FILIP1L: variants seen among roughly 807,000 people sequenced by gnomAD.
The protein encoded by FILIP1L is filamin A interacting protein 1 like.
FILIP1L carries 55 observed loss-of-function variants against 96.6 expected under a neutral mutation model. The ratio of observed to expected loss-of-function variants is 0.57; its 90% CI spans 0.46 to 0.71. The LOEUF (loss-of-function observed/expected upper bound fraction) is 0.71, where lower values mean the gene tolerates loss of function less well. Among genes scored for constraint, FILIP1L ranks in the 30% least tolerant of loss-of-function variants. The probability of loss-of-function intolerance (pLI) is 0.00; values close to 1 mark genes in which losing one functional copy is unlikely to be tolerated. For synonymous variants in FILIP1L, 467 were observed against 473.9 expected, an observed-to-expected ratio of 0.99 and a Z score of 0.19; for missense variants, 1,304 against 1,321.2, an observed-to-expected ratio of 0.99 and a Z score of 0.20.
chr3:99,955,773 G>T (rs1223661349), intron 1 of FILIP1L, among the ~76,000 whole-genome samples: 2 of 151,984 alleles, frequency 1.3e-5, no homozygotes, highest in Non-Finnish European at 2.9e-5. Flanking sequence ...TTCCACATTA[G>T]TGTATCCTGG....
At chr3:100,064,074 C>T (rs1308816563) in intron 1 of FILIP1L, among the ~76,000 whole-genome samples, 1 of 152,084 alleles carries the variant, frequency 6.6e-6, no homozygotes, top group African/African-American at 2.4e-5. Context: ...TTTGTTTGTT[C>T]TTTGTTTTGT....
At chr3:100,020,100 A>T (rs2064781452) in intron 1 of FILIP1L, among the ~76,000 whole-genome samples, 1 of 152,208 alleles carries the variant, frequency 6.6e-6, no homozygotes, top group South Asian at 2.1e-4. Context: ...TTGCTAGCAT[A>T]TCATATACCT....
At chr3:99,833,125 A>G (rs1942751619) in intron 5 of FILIP1L, 2 of 908,548 alleles carry the variant, frequency 2.2e-6, no homozygotes, top group African/African-American at 3.4e-5. Flanking sequence ...GAGATTAAGC[A>G]AGTTGGAAAG....
At chr3:100,021,109 C>T (rs2064809164) in intron 1 of FILIP1L, among the ~76,000 whole-genome samples, 1 of 152,176 alleles carries the variant, frequency 6.6e-6, no homozygotes, top group South Asian at 2.1e-4. Flanking sequence ...CTTTTCAAGG[C>T]CGGTCAATTG....
chr3:100,063,950 G>A lies in FILIP1L; in HGVS notation c.-11+50103C>T, dbSNP rs114936421. 2.8e-3 allele frequency among the ~76,000 whole-genome samples: 432 copies of A among 152,246 alleles called. 4 individuals are homozygous for A. The highest frequency in any genetic ancestry group is 9.7e-3 in the African/African-American group (401 of 41,532). On this transcript the variant is annotated intron_variant, in intron 1 of 5. Transcript: ENST00000477258. ...CCCAAGACTGTCAGGAGTACATACCGTCAGCCAAACCCATTGGTGCCAGTA... is the reference window on the plus strand; with the variant it reads ...CCCAAGACTGTCAGGAGTACATACCATCAGCCAAACCCATTGGTGCCAGTA...
chr3:100,095,231 A>G (rs1300356416), intron 1 of FILIP1L, among the ~76,000 whole-genome samples: 1 of 152,026 alleles, frequency 6.6e-6, no homozygotes, highest in Non-Finnish European at 1.5e-5. Flanking sequence ...TTCCCTTTCC[A>G]TATAAATTTT....
At chr3:99,951,983 A>G (rs1422996010) in intron 1 of FILIP1L, among the ~76,000 whole-genome samples, 1 of 152,234 alleles carries the variant, frequency 6.6e-6, no homozygotes, top group Non-Finnish European at 1.5e-5. Flanking sequence ...CTGCAAGAAT[A>G]CCTGCCCCCA....
chr3:99,916,029 G>C (rs1706939809), intron 4 of FILIP1L, among the ~76,000 whole-genome samples: 1 of 152,194 alleles, frequency 6.6e-6, no homozygotes, highest in Non-Finnish European at 1.5e-5. Context: ...TTAATTTTAT[G>C]TGTCAACTTG....
At chr3:99,855,542 CAAG>C (rs759094983) in intron 4 of FILIP1L, among the ~76,000 whole-genome samples, 59 of 152,232 alleles carry the variant, frequency 3.9e-4, no homozygotes, top group Admixed American at 6.5e-4. Context: ...TCACAAAGGT[CAAG>C]AAGGAGCAAA....
chr3:100,047,917 G>A (rs2065303463), intron 1 of FILIP1L, among the ~76,000 whole-genome samples: 2 of 152,162 alleles, frequency 1.3e-5, no homozygotes, highest in Admixed American at 1.3e-4. Flanking sequence ...GCACTTAGTA[G>A]GCAAATTTTC....
chr3:99,998,319 G>C (rs568124400), intron 1 of FILIP1L, among the ~76,000 whole-genome samples: 3 of 152,174 alleles, frequency 2.0e-5, no homozygotes, highest in African/African-American at 7.2e-5. Context: ...CTAACTACAG[G>C]GTTAGAAACA....
chr3:99,864,700 A>T (rs1944426046), intron 4 of FILIP1L, among the ~76,000 whole-genome samples: 1 of 151,726 alleles, frequency 6.6e-6, no homozygotes, highest in African/African-American at 2.4e-5. Flanking sequence ...CTCTTTGCTC[A>T]CTCTGCTCCT....
At chr3:99,934,702 C>G (rs1372599953) in intron 1 of FILIP1L, among the ~76,000 whole-genome samples, 1 of 152,188 alleles carries the variant, frequency 6.6e-6, no homozygotes, top group Non-Finnish European at 1.5e-5. Context: ...CTGAATGGAG[C>G]TCTGTATACA....
chr3:100,053,486 T>G (rs541458623), intron 1 of FILIP1L, among the ~76,000 whole-genome samples: 1 of 152,362 alleles, frequency 6.6e-6, no homozygotes, highest in Non-Finnish European at 1.5e-5. Context: ...TCCAAATTTC[T>G]GTCTTCTCAT....
intron 1 of FILIP1L, among the ~76,000 whole-genome samples, chr3:99,952,588 T>C (rs1708208861): frequency 6.6e-6 from 1 of 152,200 alleles, no homozygotes; most frequent in Non-Finnish European, 1.5e-5. Flanking sequence ...TAGAAAACAC[T>C]ATGCTTTGGT....
Position 100,078,798 on chromosome 3 carries a change from G to A in FILIP1L, c.-11+35255C>T, listed in dbSNP as rs114180353. The stretch of plus-strand genomic sequence containing the variant: ...CCAAGCTACTCGGGAGGCTAAGGCC[G>A]GAAAATCCCTTGAACCTGGGAGGTG... On this transcript the variant is annotated intron_variant, in intron 1 of 5. Coordinates refer to ENST00000477258, the MANE Select transcript of FILIP1L (RefSeq NM_001387850.1). Among the ~76,000 whole-genome samples, 388 of 152,178 alleles carry A rather than the reference G, an allele frequency of 2.5e-3. 4 individuals carry two copies. Among genetic ancestry groups the A allele is most frequent in the African/African-American group, 8.8e-3 (367 of 41,512 alleles).
chr3:100,024,612 A>T (rs757067524), intron 1 of FILIP1L, among the ~76,000 whole-genome samples: 7 of 152,216 alleles, frequency 4.6e-5, no homozygotes, highest in Non-Finnish European at 8.8e-5. Flanking sequence ...TCCAACAGGC[A>T]TAGGCAGGTT....
chr3:100,024,570 A>G (rs1470216157), intron 1 of FILIP1L, among the ~76,000 whole-genome samples: 2 of 152,182 alleles, frequency 1.3e-5, no homozygotes, highest in African/African-American at 4.8e-5. Flanking sequence ...ACCAGTTTAC[A>G]TCATATTAAA....
At chr3:100,071,544 C>G (rs2065763879) in intron 1 of FILIP1L, among the ~76,000 whole-genome samples, 1 of 152,104 alleles carries the variant, frequency 6.6e-6, no homozygotes, top group South Asian at 2.1e-4. Flanking sequence ...CAGAATAGCC[C>G]AAGGGTGTGG....
Sources: gnomAD v4.1 joint callset for allele counts (sites outside exome capture counted in the v4.1 genomes callset) on GRCh38, gnomAD v4.1.1 for gene constraint, MANE v1.5 for transcripts, NCBI Gene and HGNC (gene_info 2026-07-23, HGNC 2026-07-21) for gene names.